The following RAF1 variants were observed in gnomAD, a reference collection of about 807,000 sequenced individuals.
RAF1 encodes the protein Raf-1 proto-oncogene, serine/threonine kinase.
In RAF1, 27 loss-of-function variants were observed where a neutral mutation model predicts 81.1. The observed-to-expected ratio is 0.33, with a 90% CI of 0.25 to 0.46. The LOEUF is 0.46. Among genes scored for constraint, RAF1 ranks in the 20% least tolerant of loss-of-function variants. RAF1 has a pLI of 1.00. For synonymous variants in RAF1, 298 were observed against 294.0 expected, an observed-to-expected ratio of 1.01 and a Z score of -0.14; for missense variants, 598 against 826.0, an observed-to-expected ratio of 0.72 and a Z score of 3.38.
At chr3:12,639,989 C>A (rs532819530) in intron 1 of RAF1, among the ~76,000 whole-genome samples, 3 of 152,208 alleles carry the variant, frequency 2.0e-5, no homozygotes, top group Admixed American at 6.5e-5. Flanking sequence ...CTACAGTAAC[C>A]AAAACAGCAT....
rs377542010 is a variant in RAF1, at chr3:12,607,464, A to G, written c.582-1165T>C. 3.9e-5 allele frequency among the ~76,000 whole-genome samples: 6 copies of G among 152,292 alleles called. 1 individual carries two copies. In the South Asian group the frequency reaches 1.2e-3, roughly 32 times the overall value. On this transcript the variant is annotated intron_variant, in intron 5 of 17. Transcript: ENST00000442415. ...GGAGTTCGAGACCAGCCTGGGCAAC[A>G]TGCTGAAACCCCGTCTCTAGAAAAA...
chr3:12,626,802 T>C (rs950163346), intron 1 of RAF1, among the ~76,000 whole-genome samples: 8 of 151,794 alleles, frequency 5.3e-5, no homozygotes, highest in African/African-American at 1.9e-4. Flanking sequence ...GGCAGGTGAA[T>C]TACCTGAGGT....
intron 1 of RAF1, among the ~76,000 whole-genome samples, chr3:12,647,873 T>C (rs912044389): frequency 2.0e-5 from 3 of 152,220 alleles, no homozygotes; most frequent in Non-Finnish European, 4.4e-5. Flanking sequence ...TAAGCCACTC[T>C]ACTCTTCTAA....
intron 10 of RAF1, 77 bp downstream of exon 9, chr3:12,600,075 G>C: frequency 6.3e-7 from 1 of 1,585,010 alleles, no homozygotes; most frequent in Non-Finnish European, 8.7e-7. Context: ...CCCAAAATAA[G>C]TTTAAGTATT....
chr3:12,654,676 A>ATT (rs529409290), intron 1 of RAF1, among the ~76,000 whole-genome samples: 3,308 of 124,368 alleles, frequency 0.027, 260 homozygotes, highest in African/African-American at 0.083. Context: ...AACTTTATTC[A>ATT]TTTTTTTTTT....
At chr3:12,611,819 T>C in intron 3 of RAF1, 131 bp downstream of exon 3, 1 of 742,078 alleles carries the variant, frequency 1.3e-6, no homozygotes, top group African/African-American at 1.8e-5. Flanking sequence ...CTGAATTATC[T>C]CTTTATAAAG....
intron 11 of RAF1, among the ~76,000 whole-genome samples, chr3:12,594,802 G>A (rs988469330): frequency 6.6e-6 from 1 of 152,152 alleles, no homozygotes; most frequent in African/African-American, 2.4e-5. Context: ...AGTCACTGAT[G>A]GGAAGACTGA....
At chr3:12,652,292 A>G (rs2060556653) in intron 1 of RAF1, among the ~76,000 whole-genome samples, 1 of 151,792 alleles carries the variant, frequency 6.6e-6, no homozygotes, top group African/African-American at 2.4e-5. Context: ...GGAGGCCGAG[A>G]TGGGCGGATC....
At chr3:12,633,351 C>T (rs2059917427) in intron 1 of RAF1, among the ~76,000 whole-genome samples, 1 of 151,770 alleles carries the variant, frequency 6.6e-6, no homozygotes. Flanking sequence ...AACACAGTGG[C>T]GAACGCCTGT....
intron 1 of RAF1, among the ~76,000 whole-genome samples, chr3:12,648,244 G>C (rs182644249): frequency 6.9e-6 from 1 of 145,100 alleles, no homozygotes; most frequent in Non-Finnish European, 1.5e-5. Context: ...AATAAAATAT[G>C]GTTTAGGAAT....
In RAF1 at chr3:12,663,836, C is replaced by A. The variant is rs919436803; in HGVS notation, c.-50G>T. On this transcript the variant is annotated 5_prime_UTR_variant, in exon 1 of 18. Transcript: ENST00000442415. ...ACCTGAGGGAGCCAGGCCGCCCCAA[C>A]GTCCTGTCGTTCGGCGGCAGCTTCT... 24 of 397,694 alleles carry A rather than the reference C, an allele frequency of 6.0e-5. No homozygotes were observed. Among genetic ancestry groups the A allele is most frequent in the Non-Finnish European group, 1.1e-4 (24 of 225,546 alleles). 24.6% of individuals were successfully genotyped at this position (397,694 alleles called of 1,614,324 possible).
In RAF1 at chr3:12,586,846, ATT is replaced by A. The variant is rs1559402240; in HGVS notation, c.1477+743_1477+744del. The A allele has an allele frequency of 2.0e-5, 3 of 152,180 alleles. No individual in the cohort carries two copies. The South Asian group carries it at 6.2e-4, about 32-fold the overall frequency. The allele number at this position is 152,180 out of a possible 1,614,324, so 9.4% of individuals were successfully genotyped here. On this transcript the variant is annotated intron_variant, in intron 14 of 17. Coordinates refer to ENST00000442415, the MANE Select transcript of RAF1 (RefSeq NM_001354689.3). ...TTGAGAAAGACCATTTTATTTATTT[ATT>A]TTTTTGAGACACAGCCTTGCTCTGT... is the stretch of plus-strand genomic sequence containing the variant.
At chr3:12,594,341 C>T (rs1192494724) in intron 11 of RAF1, among the ~76,000 whole-genome samples, 1 of 152,164 alleles carries the variant, frequency 6.6e-6, no homozygotes, top group African/African-American at 2.4e-5. Flanking sequence ...GGGGACAGGA[C>T]AGGGCTAGGG....
rs2058796393 is a variant in RAF1, at chr3:12,599,684, A to G, written c.1168+7T>C. On this transcript the variant is annotated splice_region_variant and intron_variant, in intron 11 of 17. Coordinates refer to ENST00000442415, the MANE Select transcript of RAF1 (RefSeq NM_001354689.3). The stretch of plus-strand genomic sequence containing the variant: ...TGCAGTTAGTAAAGGGAGGGCCCCA[A>G]GCTTACCGTGCCATTTACCCTTATA... 3.1e-6 allele frequency: 5 copies of G among 1,611,030 alleles called. No individual in the cohort carries two copies. Among genetic ancestry groups the G allele is most frequent in the Middle Eastern group, 1.6e-4 (1 of 6,078 alleles).
intron 1 of RAF1, among the ~76,000 whole-genome samples, chr3:12,657,829 C>A (rs993335082): frequency 6.6e-6 from 1 of 151,538 alleles, no homozygotes; most frequent in Non-Finnish European, 1.5e-5. Flanking sequence ...GGATCCATCT[C>A]CATAATTGTA....
chr3:12,610,033 A>G (rs999989507), intron 3 of RAF1, among the ~76,000 whole-genome samples: 1 of 152,242 alleles, frequency 6.6e-6, no homozygotes, highest in Admixed American at 6.5e-5. Context: ...TGTAGGGTCT[A>G]TAAGTCAATG....
At chr3:12,646,806 C>A (rs13066872) in intron 1 of RAF1, among the ~76,000 whole-genome samples, 18,468 of 151,710 alleles carry the variant, frequency 0.12, 1,354 homozygotes, top group Admixed American at 0.2. Flanking sequence ...GCCTCAGCCT[C>A]CCAAAACGCT....
rs774826078 is a variant in RAF1 at position 12,612,062 on chromosome 3, C to T, written c.208G>A (p.Val70Ile). ...AAGCTCATTCCATTTCGCACATTGA[C>T]CTACAAACAAAGGACCACCTTTAGG... The change falls in exon 3 of 18, where the codon GTC becomes ATC. Residue 70 changes from valine to isoleucine, a missense_variant and splice_region_variant. By Grantham distance (29) the Val-to-Ile change is conservative. Transcript: ENST00000442415. The T allele has an allele frequency of 6.2e-7, 1 of 1,613,766 alleles. No homozygotes were observed. The highest frequency in any genetic ancestry group is 8.5e-7 in the Non-Finnish European group (1 of 1,179,712).
intron 6 of RAF1, among the ~76,000 whole-genome samples, chr3:12,604,716 G>A (rs989467218): frequency 6.6e-6 from 1 of 152,152 alleles, no homozygotes; most frequent in Non-Finnish European, 1.5e-5. Flanking sequence ...TGCTGAGCAT[G>A]TCTGTAAAAA....
Sources: gnomAD v4.1 joint callset for allele counts (sites outside exome capture counted in the v4.1 genomes callset) on GRCh38, gnomAD v4.1.1 for gene constraint, MANE v1.5 for transcripts, NCBI Gene and HGNC (gene_info 2026-07-23, HGNC 2026-07-21) for gene names.